PLA2R1: variants seen among roughly 807,000 people sequenced by gnomAD.
PLA2R1 encodes the protein phospholipase A2 receptor 1.
A neutral mutation model predicts 195.9 loss-of-function variants in PLA2R1; 158 were observed. The ratio of observed to expected loss-of-function variants is 0.81; its 90% CI spans 0.71 to 0.92. PLA2R1 has a LOEUF of 0.92. Ranked by LOEUF, PLA2R1 falls within the 40% of genes least tolerant of loss-of-function variation. PLA2R1 has a pLI of 0.00. For missense variants in PLA2R1, 1,626 were observed against 1,764.6 expected (o/e 0.92, Z 1.41); for synonymous variants, 586 against 598.2 (o/e 0.98, Z 0.30).
chr2:159,961,734 A>G (rs908623323), intron 20 of PLA2R1, among the ~76,000 whole-genome samples: 2 of 152,110 alleles, frequency 1.3e-5, no homozygotes, highest in Non-Finnish European at 2.9e-5. Context: ...CACCATTCCC[A>G]TAGATACACA....
intron 20 of PLA2R1, 149 bp from the exon 21 acceptor site, chr2:159,956,776 G>T: frequency 1.7e-6 from 1 of 596,248 alleles, no homozygotes; most frequent in African/African-American, 1.9e-5. Context: ...TCCTCCAAAG[G>T]TGTTACAGTA....
intron 10 of PLA2R1, among the ~76,000 whole-genome samples, chr2:160,008,726 A>G (rs2715914): frequency 0.76 from 114,996 of 152,126 alleles, 43,810 homozygotes; most frequent in East Asian, 0.88. Context: ...AAAACTTTGC[A>G]CATCAAAGGA....
Position 159,955,731 on chromosome 2 carries a change from T to C in PLA2R1, c.3120A>G (p.Val1040=), listed in dbSNP as rs776681997. ...YETWLNGKPV[V]YSNWSPFDII... ...TATCAAATGGAGACCAGTTAGAATA[T>C]ACCACAGGCTTTCCATTTAGCCATG... Residue 1040 remains valine, a synonymous_variant, in exon 22 of 30, where the codon GTA becomes GTG. Coordinates refer to ENST00000283243, the MANE Select transcript of PLA2R1 (RefSeq NM_007366.5). 6.3e-7 allele frequency: 1 copy of C among 1,575,248 alleles called. No homozygotes were observed. Among genetic ancestry groups the C allele is most frequent in the South Asian group, 1.1e-5 (1 of 88,532 alleles).
At chr2:159,995,656 C>G (rs149244561) in intron 11 of PLA2R1, among the ~76,000 whole-genome samples, 4 of 151,956 alleles carry the variant, frequency 2.6e-5, no homozygotes, top group Non-Finnish European at 5.9e-5. Context: ...TGGAAAGTCA[C>G]CAGTTTCCAT....
At chr2:159,927,298 T>C (rs985638291), downstream of PLA2R1, among the ~76,000 whole-genome samples, 1 of 152,236 alleles carries the variant, frequency 6.6e-6, no homozygotes, top group Non-Finnish European at 1.5e-5. Context: ...GTTCTCTTTT[T>C]ACCTGTGATT....
Position 160,020,219 on chromosome 2 carries a change from G to A in PLA2R1, c.1339C>T (p.Pro447Ser), listed in dbSNP as rs1693018808. 1.2e-6 allele frequency: 2 copies of A among 1,611,518 alleles called. No homozygotes were observed. The highest frequency in any genetic ancestry group is 1.7e-6 in the Non-Finnish European group (2 of 1,177,842). The change falls in exon 8 of 30, where the codon CCA (proline) becomes TCA (serine). Residue 447 changes from proline to serine, a missense_variant. Coordinates refer to ENST00000283243, the MANE Select transcript of PLA2R1 (RefSeq NM_007366.5). ...TCATTAGACCATTCAAAGGAAACTGGAATTTTATTGCTGCTCAAACCAATC... is the reference window on the plus strand; with the variant it reads ...TCATTAGACCATTCAAAGGAAACTGAAATTTTATTGCTGCTCAAACCAATC... ...TWIGLSSNKIPVSFEWSNDSS... is the reference protein window; with the variant it reads ...TWIGLSSNKISVSFEWSNDSS...
chr2:160,014,764 T>C (rs1430039733), intron 9 of PLA2R1, among the ~76,000 whole-genome samples: 1 of 152,132 alleles, frequency 6.6e-6, no homozygotes, highest in African/African-American at 2.4e-5. Flanking sequence ...CATCCAGCCA[T>C]CTAGGATCTG....
chr2:159,977,895 A>T (rs1400610357), intron 14 of PLA2R1, among the ~76,000 whole-genome samples: 1 of 152,026 alleles, frequency 6.6e-6, no homozygotes, highest in Non-Finnish European at 1.5e-5. Context: ...CCACCACTGC[A>T]CTCCAGCCTG....
At chr2:160,011,261 C>T (rs978669795) in intron 10 of PLA2R1, among the ~76,000 whole-genome samples, 11 of 152,164 alleles carry the variant, frequency 7.2e-5, no homozygotes, top group Non-Finnish European at 1.2e-4. Flanking sequence ...GTCACTGTGG[C>T]ACTATGGGTT....
Position 159,976,730 on chromosome 2 carries a change from G to A in PLA2R1, c.2402-10C>T, listed in dbSNP as rs377053964. The A allele has an allele frequency of 6.2e-7, 1 of 1,607,648 alleles. No individual in the cohort carries two copies. The highest frequency in any genetic ancestry group is 8.5e-7 in the Non-Finnish European group (1 of 1,174,370). On this transcript the variant is annotated splice_polypyrimidine_tract_variant and intron_variant, in intron 15 of 29. Coordinates refer to ENST00000283243, the MANE Select transcript of PLA2R1 (RefSeq NM_007366.5). ...ATCTTGGGTTTCACATCTGCAAAGT[G>A]AAAGCAAATCACTTTGACTGATCTT... is the stretch of plus-strand genomic sequence containing the variant.
At position 160,062,462 on chromosome 2, in the gene PLA2R1, C is replaced by T. The variant is rs1696035368; in HGVS notation, c.-59G>A. ...CCCGGGAGCCCCTTATCCCGGGAGCCCAGAGCCGCGTCCCAAGCACCCGGC... is the reference window on the plus strand; with the variant it reads ...CCCGGGAGCCCCTTATCCCGGGAGCTCAGAGCCGCGTCCCAAGCACCCGGC... On this transcript the variant is annotated 5_prime_UTR_variant, in exon 1 of 30. Transcript: ENST00000283243. 2 of 1,470,340 alleles carry T rather than the reference C, an allele frequency of 1.4e-6. No homozygotes were observed. Among genetic ancestry groups the T allele is most frequent in the Non-Finnish European group, 1.8e-6 (2 of 1,113,804 alleles). 91.1% of individuals were successfully genotyped at this position (1,470,340 alleles called of 1,614,324 possible).
At chr2:159,998,948 T>C (rs1043493575) in intron 11 of PLA2R1, among the ~76,000 whole-genome samples, 2 of 152,150 alleles carry the variant, frequency 1.3e-5, no homozygotes, top group African/African-American at 4.8e-5. Context: ...ATGGTTTGAA[T>C]GTAATATATC....
In PLA2R1 at chr2:159,940,216, G is replaced by A. The variant is rs572763625; in HGVS notation, c.*1562C>T. The A allele has an allele frequency of 6.6e-6, 1 of 152,230 alleles. No homozygotes were observed. Among genetic ancestry groups the A allele is most frequent in the Non-Finnish European group, 1.5e-5 (1 of 68,010 alleles). The allele number at this position is 152,230 out of a possible 1,614,324, so 9.4% of individuals were successfully genotyped here. A position where few individuals can be genotyped will look rare whatever the true frequency, so the allele number is the denominator to read the frequency against. On this transcript the variant is annotated 3_prime_UTR_variant, in exon 30 of 30. Coordinates refer to ENST00000283243, the MANE Select transcript of PLA2R1 (RefSeq NM_007366.5). ...AATTAAAATGCACACTCTCAGGGAG[G>A]CCCTGAGAGTCCCCCAGTTTCTCTC...
chr2:159,960,991 G>T (rs2105191532), intron 20 of PLA2R1, among the ~76,000 whole-genome samples: 1 of 152,228 alleles, frequency 6.6e-6, no homozygotes, highest in South Asian at 2.1e-4. Context: ...AGCTTTATTT[G>T]TTAATAGGGA....
rs139921134 is a variant in PLA2R1 at position 160,006,015 on chromosome 2, C to G, written c.1665-194G>C. ...CCGAATGTCAGTGCAATTCCCAGAA[C>G]TATATGAGTGAGCAGAATCTGACTC... On this transcript the variant is annotated intron_variant, in intron 10 of 29. Coordinates refer to ENST00000283243, the MANE Select transcript of PLA2R1 (RefSeq NM_007366.5). Among the ~76,000 whole-genome samples the G allele has an allele frequency of 3.8e-3, 576 of 152,290 alleles. 4 individuals are homozygous for G. Among genetic ancestry groups the G allele is most frequent in the African/African-American group, 0.013 (542 of 41,546 alleles).
intron 3 of PLA2R1, among the ~76,000 whole-genome samples, chr2:160,038,092 G>A (rs934122410): frequency 1.3e-5 from 2 of 152,224 alleles, no homozygotes; most frequent in Non-Finnish European, 2.9e-5. Flanking sequence ...TGTTGTAGAA[G>A]TCAAGAGGAG....
Position 160,062,364 on chromosome 2 carries a change from CCAG to C in PLA2R1, c.37_39del (p.Leu13del), listed in dbSNP as rs577078609. The C allele has an allele frequency of 1.8e-3, 2,616 of 1,468,262 alleles. No homozygotes were observed. Among genetic ancestry groups the C allele is most frequent in the Admixed American group, 5.8e-3 (273 of 47,040 alleles). The allele number at this position is 1,468,262 out of a possible 1,614,324, so 91.0% of individuals were successfully genotyped here. ...CCCTCGGCGCAGCCCCGCGGCGCCC[CCAG>C]CAGCAGCAGCAGCAGCAGCGACGGC... On this transcript the variant is annotated inframe_deletion, in exon 1 of 30. Transcript: ENST00000283243.
At chr2:160,049,700 C>T (rs140238505) in intron 1 of PLA2R1, among the ~76,000 whole-genome samples, 13,997 of 152,076 alleles carry the variant, frequency 0.092, 924 homozygotes, top group East Asian at 0.25. Flanking sequence ...GTGGTGCGTG[C>T]CTGTATTCCC....
rs1686903988 is a variant in PLA2R1, at chr2:159,937,824, CAGAG to C, written c.*3950_*3953del. The C allele has an allele frequency of 6.6e-6, 1 of 152,202 alleles. No homozygotes were observed. The highest frequency in any genetic ancestry group is 1.5e-5 in the Non-Finnish European group (1 of 68,042). The allele number at this position is 152,202 out of a possible 1,614,324, so 9.4% of individuals were successfully genotyped here. A position where few individuals can be genotyped will look rare whatever the true frequency, so the allele number is the denominator to read the frequency against. On this transcript the variant is annotated 3_prime_UTR_variant, in exon 30 of 30. Coordinates refer to ENST00000283243, the MANE Select transcript of PLA2R1 (RefSeq NM_007366.5). ...ACTTTAACAGAAAAATGTCCTAACA[CAGAG>C]AAAGACGTGAGGATCTACAGAATGA...
Sources: allele counts gnomAD v4.1 joint callset (sites outside exome capture counted in the v4.1 genomes callset), GRCh38; gene constraint gnomAD v4.1.1; transcripts MANE v1.5; gene names NCBI Gene and HGNC (gene_info 2026-07-23, HGNC 2026-07-21).